Variants in CACNB2 observed in about 807,000 individuals in gnomAD.
CACNB2 encodes calcium voltage-gated channel auxiliary subunit beta 2.
A neutral mutation model predicts 73.3 loss-of-function variants in CACNB2; 42 were observed. The ratio of observed to expected loss-of-function variants is 0.57; its 90% CI spans 0.45 to 0.74. The LOEUF (loss-of-function observed/expected upper bound fraction) is 0.74. CACNB2 is among the 30% of genes least tolerant of loss of function. The probability of loss-of-function intolerance (pLI) is 0.00; values close to 1 mark genes in which losing one functional copy is unlikely to be tolerated. For missense variants in CACNB2, 940 were observed against 853.0 expected (o/e 1.10, Z -1.27); for synonymous variants, 348 against 310.3 (o/e 1.12, Z -1.28).
intron 2 of CACNB2, among the ~76,000 whole-genome samples, chr10:18,355,394 A>T (rs1709942399): frequency 6.6e-6 from 1 of 151,640 alleles, no homozygotes; most frequent in African/African-American, 2.4e-5. Context: ...TCGTTTTTTT[A>T]AAAATGGGAC....
At chr10:18,362,508 C>A (rs1222937950) in intron 2 of CACNB2, among the ~76,000 whole-genome samples, 1 of 152,058 alleles carries the variant, frequency 6.6e-6, no homozygotes, top group Non-Finnish European at 1.5e-5. Context: ...AGAGAATGGA[C>A]ACAGAAGTCA....
intron 2 of CACNB2, among the ~76,000 whole-genome samples, chr10:18,279,377 G>T (rs779089169): frequency 2.6e-5 from 4 of 152,188 alleles, no homozygotes; most frequent in Non-Finnish European, 5.9e-5. Context: ...CAAGGGGGAA[G>T]GATGCTGTGG....
At chr10:18,263,341 G>A (rs1259309718) in intron 2 of CACNB2, among the ~76,000 whole-genome samples, 1 of 152,142 alleles carries the variant, frequency 6.6e-6, no homozygotes, top group East Asian at 1.9e-4. Flanking sequence ...ACCCCTATGT[G>A]GTACTGGTGG....
chr10:18,263,322 G>T (rs1043780391), intron 2 of CACNB2, among the ~76,000 whole-genome samples: 2 of 152,156 alleles, frequency 1.3e-5, no homozygotes, highest in African/African-American at 4.8e-5. Flanking sequence ...GAATACAAAG[G>T]GCAGCCAGAC....
chr10:18,225,068 A>G (rs2035938741), intron 2 of CACNB2, among the ~76,000 whole-genome samples: 1 of 151,844 alleles, frequency 6.6e-6, no homozygotes, highest in South Asian at 2.1e-4. Context: ...ATTACTTAGC[A>G]TGGACATTTC....
At chr10:18,410,413 C>A (rs190874307) in intron 3 of CACNB2, among the ~76,000 whole-genome samples, 1 of 152,166 alleles carries the variant, frequency 6.6e-6, no homozygotes, top group Admixed American at 6.5e-5. Flanking sequence ...TTCATAAATG[C>A]CTTACAGATT....
intron 2 of CACNB2, among the ~76,000 whole-genome samples, chr10:18,328,276 A>G (rs2040663793): frequency 6.6e-6 from 1 of 152,204 alleles, no homozygotes; most frequent in Admixed American, 6.5e-5. Context: ...AAAAATCCAC[A>G]TGCTCAACCA....
chr10:18,273,739 A>G (rs879296085), intron 2 of CACNB2, among the ~76,000 whole-genome samples: 1 of 152,206 alleles, frequency 6.6e-6, no homozygotes, highest in Admixed American at 6.5e-5. Context: ...TTTTACTCAG[A>G]TATTCAGTAA....
intron 2 of CACNB2, among the ~76,000 whole-genome samples, chr10:18,358,694 G>A (rs1485814284): frequency 1.3e-5 from 2 of 152,060 alleles, no homozygotes; most frequent in East Asian, 1.9e-4. Flanking sequence ...GAGCAATAGA[G>A]TATGATAGAC....
At chr10:18,475,684 G>T (rs1024343710) in intron 3 of CACNB2, among the ~76,000 whole-genome samples, 1 of 152,168 alleles carries the variant, frequency 6.6e-6, no homozygotes, top group African/African-American at 2.4e-5. Context: ...CTCAAGATTG[G>T]TTAGGAAAGA....
intron 3 of CACNB2, among the ~76,000 whole-genome samples, chr10:18,431,154 A>G (rs984036269): frequency 6.6e-6 from 1 of 151,784 alleles, no homozygotes. Context: ...GCTAATTTTT[A>G]AATGTTTTTG....
intron 2 of CACNB2, among the ~76,000 whole-genome samples, chr10:18,192,896 A>T (rs2034466546): frequency 6.6e-6 from 1 of 152,188 alleles, no homozygotes; most frequent in Non-Finnish European, 1.5e-5. Flanking sequence ...TCATCCACTG[A>T]TGGACATGGG....
At chr10:18,208,983 G>A (rs2035211864) in intron 2 of CACNB2, among the ~76,000 whole-genome samples, 1 of 152,164 alleles carries the variant, frequency 6.6e-6, no homozygotes, top group Non-Finnish European at 1.5e-5. Context: ...AAAATCGCTG[G>A]AAGTTGAATG....
chr10:18,168,863 A>T (rs1218749033), intron 2 of CACNB2, among the ~76,000 whole-genome samples: 1 of 152,220 alleles, frequency 6.6e-6, no homozygotes, highest in African/African-American at 2.4e-5. Flanking sequence ...GTTCCTTGAC[A>T]TAGGCCAATG....
chr10:18,349,664 G>A (rs1203364488), intron 2 of CACNB2, among the ~76,000 whole-genome samples: 2 of 151,890 alleles, frequency 1.3e-5, no homozygotes, highest in African/African-American at 2.4e-5. Flanking sequence ...TCCAGGGGCT[G>A]GGAGAAGAGG....
chr10:18,526,172 A>G (rs887066946), intron 9 of CACNB2, among the ~76,000 whole-genome samples: 3 of 152,182 alleles, frequency 2.0e-5, no homozygotes, highest in Non-Finnish European at 4.4e-5. Context: ...AACCTCCAAT[A>G]TCATTATCTT....
chr10:18,449,581 A>G (rs1233435352), intron 3 of CACNB2, among the ~76,000 whole-genome samples: 1 of 152,150 alleles, frequency 6.6e-6, no homozygotes, highest in African/African-American at 2.4e-5. Context: ...CTGTCCTCAC[A>G]AGGACCCTAT....
chr10:18,484,108 A>G (rs2132871357), intron 3 of CACNB2, among the ~76,000 whole-genome samples: 1 of 152,236 alleles, frequency 6.6e-6, no homozygotes, highest in South Asian at 2.1e-4. Flanking sequence ...TTTAAGAAAA[A>G]CAAGGCCAGG....
intron 3 of CACNB2, among the ~76,000 whole-genome samples, chr10:18,464,756 A>C (rs1476575302): frequency 6.6e-6 from 1 of 152,260 alleles, no homozygotes; most frequent in African/African-American, 2.4e-5. Context: ...TCAAAAAGTT[A>C]AACTGGAGAA....
Sources: allele counts gnomAD v4.1 joint callset (sites outside exome capture counted in the v4.1 genomes callset), GRCh38; gene constraint gnomAD v4.1.1; transcripts MANE v1.5; gene names NCBI Gene and HGNC (gene_info 2026-07-23, HGNC 2026-07-21).